Variants in VTI1A observed in about 807,000 individuals in gnomAD.
VTI1A encodes the protein vesicle transport through interaction with t-SNAREs homolog 1A.
VTI1A carries 22 observed loss-of-function variants against 34.9 expected under a neutral mutation model. The observed-to-expected ratio is 0.63, with a 90% CI of 0.45 to 0.90. The LOEUF is 0.90. Among genes scored for constraint, VTI1A ranks in the 40% least tolerant of loss-of-function variants. VTI1A has a pLI of 0.00. For missense variants in VTI1A, 268 were observed against 275.6 expected (o/e 0.97, Z 0.20); for synonymous variants, 87 against 97.3 (o/e 0.89, Z 0.62).
At chr10:112,662,416 A>G (rs1564872467) in intron 5 of VTI1A, among the ~76,000 whole-genome samples, 1 of 152,024 alleles carries the variant, frequency 6.6e-6, no homozygotes, top group Non-Finnish European at 1.5e-5. Flanking sequence ...GTGATCCTTT[A>G]TTCTATAGCG....
intron 3 of VTI1A, among the ~76,000 whole-genome samples, chr10:112,522,016 G>A (rs1258555760): frequency 6.6e-6 from 1 of 151,910 alleles, no homozygotes; most frequent in Admixed American, 6.6e-5. Flanking sequence ...AATGCCATCT[G>A]GGCATTACAG....
At chr10:112,533,521 A>C in intron 4 of VTI1A, 1 of 1,009,658 alleles carries the variant, frequency 9.9e-7, no homozygotes, top group Non-Finnish European at 1.2e-6. Context: ...TTGTGCATTC[A>C]TGTTGCAGTT....
intron 5 of VTI1A, among the ~76,000 whole-genome samples, chr10:112,593,170 T>C (rs1844460902): frequency 6.6e-6 from 1 of 152,216 alleles, no homozygotes; most frequent in South Asian, 2.1e-4. Context: ...TTTTCAACCC[T>C]CGCTCAACAT....
intron 5 of VTI1A, among the ~76,000 whole-genome samples, chr10:112,649,207 C>T (rs1846916285): frequency 6.6e-6 from 1 of 152,192 alleles, no homozygotes; most frequent in South Asian, 2.1e-4. Context: ...CATAAATATG[C>T]TGCCATTACC....
At chr10:112,620,342 A>G (rs1845683115) in intron 5 of VTI1A, among the ~76,000 whole-genome samples, 1 of 152,192 alleles carries the variant, frequency 6.6e-6, no homozygotes, top group Non-Finnish European at 1.5e-5. Flanking sequence ...GGATGTACAC[A>G]GTTTAGCGGA....
chr10:112,772,324 G>A (rs1851834950), intron 7 of VTI1A, among the ~76,000 whole-genome samples: 1 of 152,146 alleles, frequency 6.6e-6, no homozygotes, highest in Non-Finnish European at 1.5e-5. Context: ...ATGTTTTCCT[G>A]TGCTTATTGG....
intron 4 of VTI1A, among the ~76,000 whole-genome samples, chr10:112,530,789 C>T (rs1469155019): frequency 1.3e-5 from 2 of 151,996 alleles, no homozygotes; most frequent in Non-Finnish European, 2.9e-5. Flanking sequence ...AATTTAATTC[C>T]CCAAGATCTA....
At chr10:112,594,342 T>C (rs1844532790) in intron 5 of VTI1A, among the ~76,000 whole-genome samples, 2 of 152,132 alleles carry the variant, frequency 1.3e-5, no homozygotes, top group African/African-American at 2.4e-5. Flanking sequence ...AAATAAAGGG[T>C]ATTCAATTAG....
intron 7 of VTI1A, among the ~76,000 whole-genome samples, chr10:112,694,400 G>A (rs916598401): frequency 3.3e-5 from 5 of 151,828 alleles, no homozygotes; most frequent in African/African-American, 1.2e-4. Flanking sequence ...ATGGATGGAT[G>A]GATGGACGGA....
At chr10:112,747,717 G>C (rs1850948486) in intron 7 of VTI1A, among the ~76,000 whole-genome samples, 1 of 152,202 alleles carries the variant, frequency 6.6e-6, no homozygotes, top group Non-Finnish European at 1.5e-5. Context: ...TGGAGACTGG[G>C]TTGTGTAGAA....
At chr10:112,464,402 C>T in intron 2 of VTI1A, 145 bp from the exon 3 acceptor site, 2 of 649,198 alleles carry the variant, frequency 3.1e-6, no homozygotes, top group Non-Finnish European at 5.3e-6. Context: ...AAAGTAGTTT[C>T]AGTGTTATTT....
downstream of VTI1A, among the ~76,000 whole-genome samples, chr10:112,822,322 G>A (rs1193808499): frequency 6.6e-6 from 1 of 152,212 alleles, no homozygotes; most frequent in Non-Finnish European, 1.5e-5. Flanking sequence ...GGGAGCCTGA[G>A]AATGGGCTCT....
chr10:112,801,775 A>C (rs980172412), intron 7 of VTI1A, among the ~76,000 whole-genome samples: 3 of 152,232 alleles, frequency 2.0e-5, no homozygotes, highest in African/African-American at 7.2e-5. Flanking sequence ...AGAAGAGATA[A>C]ATTGAGCCCC....
intron 3 of VTI1A, among the ~76,000 whole-genome samples, chr10:112,494,642 G>A (rs1848948924): frequency 6.6e-6 from 1 of 152,122 alleles, no homozygotes; most frequent in Non-Finnish European, 1.5e-5. Context: ...CCGAGTAGCT[G>A]GGATTACAGG....
chr10:112,704,267 A>C (rs138063508), intron 7 of VTI1A, among the ~76,000 whole-genome samples: 1 of 152,310 alleles, frequency 6.6e-6, no homozygotes, highest in East Asian at 1.9e-4. Context: ...CTTACAGAAA[A>C]TGAAATAAAG....
chr10:112,751,871 G>C (rs1458552185), intron 7 of VTI1A, among the ~76,000 whole-genome samples: 1 of 152,188 alleles, frequency 6.6e-6, no homozygotes, highest in African/African-American at 2.4e-5. Context: ...AATCCTGGCA[G>C]GTGGGAGCCT....
chr10:112,515,528 A>T (rs1419144312), intron 3 of VTI1A, among the ~76,000 whole-genome samples: 2 of 151,976 alleles, frequency 1.3e-5, no homozygotes, highest in African/African-American at 4.8e-5. Context: ...TTCTTTATGG[A>T]TATTGAAGAC....
chr10:112,680,547 A>G (rs190136795), intron 7 of VTI1A, among the ~76,000 whole-genome samples: 10 of 152,356 alleles, frequency 6.6e-5, no homozygotes, highest in African/African-American at 9.6e-5. Context: ...GTAAAAGGGC[A>G]TATGGAGATT....
intron 7 of VTI1A, among the ~76,000 whole-genome samples, chr10:112,705,127 T>C (rs1849152126): frequency 6.6e-6 from 1 of 151,724 alleles, no homozygotes; most frequent in Admixed American, 6.6e-5. Flanking sequence ...TCGTCTGAAC[T>C]CCTGGCCTCA....
Sources: gnomAD v4.1 joint callset for allele counts (sites outside exome capture counted in the v4.1 genomes callset) on GRCh38, gnomAD v4.1.1 for gene constraint, MANE v1.5 for transcripts, NCBI Gene and HGNC (gene_info 2026-07-23, HGNC 2026-07-21) for gene names.